BMPR1B: variants seen among roughly 807,000 people sequenced by gnomAD.
The protein encoded by BMPR1B is bone morphogenetic protein receptor type-1B.
Under a neutral mutation model 59.1 loss-of-function variants are expected in BMPR1B, and 12 were observed. That is an observed-to-expected ratio of 0.20 (90% CI 0.13 to 0.33). BMPR1B has a LOEUF of 0.33. BMPR1B is among the 10% of genes least tolerant of loss of function. BMPR1B has a pLI of 1.00. For synonymous variants in BMPR1B, 237 were observed against 207.3 expected, an observed-to-expected ratio of 1.14 and a Z score of -1.23; for missense variants, 550 against 610.9, an observed-to-expected ratio of 0.90 and a Z score of 1.05.
At chr4:94,984,011 G>A (rs1166345689) in intron 2 of BMPR1B, among the ~76,000 whole-genome samples, 2 of 152,164 alleles carry the variant, frequency 1.3e-5, no homozygotes, top group African/African-American at 4.8e-5. Context: ...ATTATAAAAT[G>A]GATTTGTCAG....
chr4:94,986,293 T>A (rs1721401755), intron 2 of BMPR1B, among the ~76,000 whole-genome samples: 1 of 152,174 alleles, frequency 6.6e-6, no homozygotes, highest in Non-Finnish European at 1.5e-5. Flanking sequence ...CCTCTGTTCT[T>A]GCTCAGTCTA....
intron 10 of BMPR1B, among the ~76,000 whole-genome samples, chr4:95,146,015 T>G (rs1734614879): frequency 6.6e-6 from 1 of 152,246 alleles, no homozygotes; most frequent in Non-Finnish European, 1.5e-5. Context: ...TTTCCTGTCA[T>G]GTGCAAGACA....
intron 3 of BMPR1B, among the ~76,000 whole-genome samples, chr4:95,063,525 G>C (rs1727564734): frequency 6.6e-6 from 1 of 152,086 alleles, no homozygotes; most frequent in African/African-American, 2.4e-5. Context: ...TTAATACATG[G>C]TACATTTTAG....
intron 3 of BMPR1B, among the ~76,000 whole-genome samples, chr4:95,040,479 GT>G (rs990647011): frequency 6.6e-6 from 1 of 152,144 alleles, no homozygotes; most frequent in African/African-American, 2.4e-5. Context: ...TAAGAAATTG[GT>G]TTTGATAGGA....
chr4:95,069,355 C>T (rs894734983), intron 3 of BMPR1B, among the ~76,000 whole-genome samples: 2 of 152,188 alleles, frequency 1.3e-5, no homozygotes, highest in African/African-American at 2.4e-5. Context: ...CTTGTCTGAC[C>T]TCACCATGTA....
chr4:94,943,502 A>ATAAT (rs1403514120), intron 2 of BMPR1B, among the ~76,000 whole-genome samples: 11 of 152,184 alleles, frequency 7.2e-5, no homozygotes, highest in African/African-American at 2.2e-4. Context: ...AATAAGGATA[A>ATAAT]TAATAGTACC....
At chr4:95,047,933 C>T (rs893362466) in intron 3 of BMPR1B, among the ~76,000 whole-genome samples, 1 of 152,040 alleles carries the variant, frequency 6.6e-6, no homozygotes, top group Non-Finnish European at 1.5e-5. Flanking sequence ...GTTTTTCAAC[C>T]CTTGGGAGCC....
At chr4:94,986,785 TAACCCC>T (rs1285505362) in intron 2 of BMPR1B, among the ~76,000 whole-genome samples, 1 of 152,022 alleles carries the variant, frequency 6.6e-6, no homozygotes, top group African/African-American at 2.4e-5. Flanking sequence ...CTCACGCCTG[TAACCCC>T]GGCACTTTGG....
At chr4:95,055,212 A>G (rs1249759701) in intron 3 of BMPR1B, among the ~76,000 whole-genome samples, 1 of 152,148 alleles carries the variant, frequency 6.6e-6, no homozygotes. Flanking sequence ...GCCATATTCC[A>G]TAGGTTTCCT....
intron 3 of BMPR1B, among the ~76,000 whole-genome samples, chr4:95,002,943 C>CT (rs1346357975): frequency 4.6e-5 from 7 of 151,382 alleles, no homozygotes; most frequent in South Asian, 4.2e-4. Flanking sequence ...TATACTTATT[C>CT]TTTTTTTTCC....
In BMPR1B at chr4:95,157,771, A is replaced by G. The variant is rs1441530345; in HGVS notation, c.*3098A>G. ...ATAAAAGTGTGTAGATTGTTAAATC[A>G]CAAAAAGAGTGCTATGACCATTATG... On this transcript the variant is annotated 3_prime_UTR_variant, in exon 13 of 13. Coordinates refer to ENST00000515059, the MANE Select transcript of BMPR1B (RefSeq NM_001203.3). 1 of 151,610 alleles carries G rather than the reference A, an allele frequency of 6.6e-6. No individual in the cohort carries two copies. The highest frequency in any genetic ancestry group is 1.5e-5 in the Non-Finnish European group (1 of 67,870). The allele number at this position is 151,610 out of a possible 1,614,324, so 9.4% of individuals were successfully genotyped here. A position where few individuals can be genotyped will look rare whatever the true frequency, so the allele number is the denominator to read the frequency against.
chr4:94,800,719 T>C (rs1723374810), intron 1 of BMPR1B, among the ~76,000 whole-genome samples: 3 of 152,222 alleles, frequency 2.0e-5, no homozygotes, highest in African/African-American at 4.8e-5. Flanking sequence ...TTGGATTGTT[T>C]GGAGGGTCAA....
At chr4:94,978,807 C>A (rs1731123942) in intron 2 of BMPR1B, among the ~76,000 whole-genome samples, 1 of 151,978 alleles carries the variant, frequency 6.6e-6, no homozygotes. Context: ...ATACCTGAGA[C>A]TGGGTAATTT....
chr4:95,020,171 A>G (rs1294814092), intron 3 of BMPR1B, among the ~76,000 whole-genome samples: 1 of 152,160 alleles, frequency 6.6e-6, no homozygotes, highest in Non-Finnish European at 1.5e-5. Flanking sequence ...GACATTTGGC[A>G]ATGTCTGGAG....
intron 2 of BMPR1B, among the ~76,000 whole-genome samples, chr4:94,986,603 C>A (rs1387097060): frequency 6.6e-6 from 1 of 151,934 alleles, no homozygotes; most frequent in Non-Finnish European, 1.5e-5. Flanking sequence ...AATTTCAGGC[C>A]TTGTCAGTCA....
intron 1 of BMPR1B, among the ~76,000 whole-genome samples, chr4:94,769,211 CA>C (rs1224650620): frequency 1.8e-4 from 28 of 152,112 alleles, no homozygotes. Flanking sequence ...GTCTTTCTTA[CA>C]AATGGAATTA....
At chr4:94,773,816 C>CT in intron 1 of BMPR1B, among the ~76,000 whole-genome samples, 1 of 149,662 alleles carries the variant, frequency 6.7e-6, no homozygotes, top group South Asian at 2.2e-4. Context: ...CAGGAAGTCT[C>CT]TTTTAAAAAC....
At chr4:94,932,451 A>C (rs916707851) in intron 2 of BMPR1B, among the ~76,000 whole-genome samples, 3 of 152,190 alleles carry the variant, frequency 2.0e-5, no homozygotes, top group African/African-American at 7.2e-5. Context: ...AAAAGTTGGC[A>C]ATGTTGATTC....
chr4:95,119,307 T>C (rs7682667), intron 6 of BMPR1B, among the ~76,000 whole-genome samples: 22,893 of 152,140 alleles, frequency 0.15, 4,511 homozygotes, highest in African/African-American at 0.46. Context: ...GTTTGGATGC[T>C]TCTATCTGTA....
Sources: allele counts gnomAD v4.1 joint callset (sites outside exome capture counted in the v4.1 genomes callset), GRCh38; gene constraint gnomAD v4.1.1; transcripts MANE v1.5; gene names NCBI Gene and HGNC (gene_info 2026-07-23, HGNC 2026-07-21).